Variants in CDC42SE2 observed in about 807,000 individuals in gnomAD.
CDC42SE2 encodes the protein CDC42 small effector 2.
CDC42SE2 carries 3 observed loss-of-function variants against 11.5 expected under a neutral mutation model. The ratio of observed to expected loss-of-function variants is 0.26; its 90% CI spans 0.12 to 0.67. The LOEUF (loss-of-function observed/expected upper bound fraction) is 0.67. CDC42SE2 is among the 30% of genes least tolerant of loss of function. CDC42SE2 has a pLI of 0.80. For synonymous variants in CDC42SE2, 33 were observed against 34.8 expected (o/e 0.95, Z 0.18); for missense variants, 82 against 106.8 (o/e 0.77, Z 1.02).
intron 1 of CDC42SE2, among the ~76,000 whole-genome samples, chr5:131,277,618 T>C (rs1425699857): frequency 1.3e-5 from 2 of 152,220 alleles, no homozygotes; most frequent in African/African-American, 4.8e-5. Context: ...GCCAAGTTAG[T>C]CTGTTCAGTT....
At chr5:131,388,619 G>A (rs1475189686) in intron 4 of CDC42SE2, among the ~76,000 whole-genome samples, 1 of 151,940 alleles carries the variant, frequency 6.6e-6, no homozygotes, top group Non-Finnish European at 1.5e-5. Flanking sequence ...TCCGTTACCC[G>A]TTCAGTAATA....
chr5:131,226,332 A>C, the CDC42SE2 span, among the ~76,000 whole-genome samples: 3 of 152,246 alleles, frequency 2.0e-5, no homozygotes, highest in African/African-American at 7.2e-5. Context: ...TTTGATAAGC[A>C]GAAGTCTGCC....
At chr5:131,335,335 T>C (rs1758529277) in intron 2 of CDC42SE2, among the ~76,000 whole-genome samples, 1 of 152,200 alleles carries the variant, frequency 6.6e-6, no homozygotes, top group South Asian at 2.1e-4. Flanking sequence ...TGAGAGACAG[T>C]TTGTTATGAT....
At chr5:131,365,244 C>T (rs576637416) in intron 3 of CDC42SE2, among the ~76,000 whole-genome samples, 4 of 151,900 alleles carry the variant, frequency 2.6e-5, no homozygotes, top group South Asian at 2.1e-4. Flanking sequence ...GAGCCGAGAT[C>T]GTGCCACTGC....
chr5:131,311,303 G>A (rs566828757), intron 1 of CDC42SE2, among the ~76,000 whole-genome samples: 20 of 151,904 alleles, frequency 1.3e-4, no homozygotes, highest in Non-Finnish European at 2.2e-4. Context: ...GGTTTCTGCC[G>A]AGAGATCCGC....
At chr5:131,390,215 T>C (rs1750607501) in intron 4 of CDC42SE2, among the ~76,000 whole-genome samples, 1 of 152,220 alleles carries the variant, frequency 6.6e-6, no homozygotes, top group South Asian at 2.1e-4. Context: ...TTTGATTCTT[T>C]TTTATCAGGC....
chr5:131,216,513 A>AACAAAC, the CDC42SE2 span, among the ~76,000 whole-genome samples: 83 of 148,148 alleles, frequency 5.6e-4, 1 homozygote, highest in Middle Eastern at 3.4e-3. Context: ...AAAAAAAAAA[A>AACAAAC]AAAAAAAAAC....
At chr5:131,361,775 T>C (rs1580779229) in intron 3 of CDC42SE2, among the ~76,000 whole-genome samples, 1 of 152,134 alleles carries the variant, frequency 6.6e-6, no homozygotes, top group Non-Finnish European at 1.5e-5. Flanking sequence ...GTTGGGCTGC[T>C]AGGTGGCCCC....
the CDC42SE2 span, among the ~76,000 whole-genome samples, chr5:131,217,123 C>A: frequency 3.3e-5 from 5 of 152,168 alleles, no homozygotes; most frequent in African/African-American, 1.2e-4. Context: ...GGACTTTGAC[C>A]AAATCTAGTC....
rs767490124 is a variant in CDC42SE2 at position 131,293,542 on chromosome 5, AG to A, written c.-454-22433del. ...AGTGGAGATCAGGCCACTGCACTCT[AG>A]CCTGGGTGACGAGAGCAAAACTCCG... On this transcript the variant is annotated intron_variant, in intron 1 of 4. Transcript: ENST00000505065. Among the ~76,000 whole-genome samples the A allele has an allele frequency of 1.3e-4, 18 of 143,920 alleles. No homozygotes were observed. In the East Asian group the frequency reaches 3.2e-3, roughly 26 times the overall value. 94.4% of individuals were successfully genotyped at this position (143,920 alleles called of 152,430 possible).
At chr5:131,214,080 G>C in the CDC42SE2 span, among the ~76,000 whole-genome samples, 1 of 152,252 alleles carries the variant, frequency 6.6e-6, no homozygotes. Flanking sequence ...ACTAAATACA[G>C]TGTTTTAAAA....
chr5:131,376,978 A>C (rs1278703700), intron 3 of CDC42SE2, among the ~76,000 whole-genome samples: 1 of 152,160 alleles, frequency 6.6e-6, no homozygotes, highest in African/African-American at 2.4e-5. Context: ...TTATGGTAGA[A>C]TGATTTATAT....
intron 3 of CDC42SE2, among the ~76,000 whole-genome samples, chr5:131,369,154 G>T (rs764862625): frequency 6.6e-6 from 1 of 152,028 alleles, no homozygotes; most frequent in Non-Finnish European, 1.5e-5. Flanking sequence ...AATTTAGTTT[G>T]CCTGTTTTAA....
chr5:131,294,310 A>C (rs1757524299), intron 1 of CDC42SE2, among the ~76,000 whole-genome samples: 1 of 152,180 alleles, frequency 6.6e-6, no homozygotes, highest in African/African-American at 2.4e-5. Flanking sequence ...AAATTAATAC[A>C]AGATAAAGAG....
At chr5:131,241,479 C>T (rs2149680724), upstream of CDC42SE2, among the ~76,000 whole-genome samples, 1 of 152,288 alleles carries the variant, frequency 6.6e-6, no homozygotes, top group Admixed American at 6.5e-5. Context: ...GACTTCATCA[C>T]ATCCCACAGG....
the CDC42SE2 span, among the ~76,000 whole-genome samples, chr5:131,238,157 G>GA: frequency 1.3e-5 from 2 of 151,564 alleles, no homozygotes; most frequent in African/African-American, 2.4e-5. Flanking sequence ...AGGGCAAGGG[G>GA]AGGGAGAGCA....
At chr5:131,312,914 G>A (rs999160940) in intron 1 of CDC42SE2, among the ~76,000 whole-genome samples, 2 of 152,130 alleles carry the variant, frequency 1.3e-5, no homozygotes, top group Admixed American at 6.5e-5. Context: ...TGTCGCTCAC[G>A]CTGGGATCTG....
rs898935422 is a variant in CDC42SE2, at chr5:131,322,411, A to C, written c.-286+6267A>C. Among the ~76,000 whole-genome samples the C allele has an allele frequency of 3.3e-5, 5 of 152,218 alleles. No individual in the cohort carries two copies. In the South Asian group the frequency reaches 8.3e-4, roughly 25 times the overall value. ...TTAGATTCCTCATGTAAATGGAATC[A>C]TACAGTATTTATGTTTTTGTGACTG... On this transcript the variant is annotated intron_variant, in intron 2 of 4. Coordinates refer to ENST00000505065, the MANE Select transcript of CDC42SE2 (RefSeq NM_001375635.1).
intron 1 of CDC42SE2, among the ~76,000 whole-genome samples, chr5:131,310,100 T>C (rs1471646960): frequency 1.3e-5 from 2 of 152,122 alleles, no homozygotes; most frequent in Non-Finnish European, 2.9e-5. Context: ...ATAAATTTCC[T>C]TCTACACACT....
Sources: allele counts gnomAD v4.1 joint callset (sites outside exome capture counted in the v4.1 genomes callset), GRCh38; gene constraint gnomAD v4.1.1; transcripts MANE v1.5; gene names NCBI Gene and HGNC (gene_info 2026-07-23, HGNC 2026-07-21).